The following PGAP1 variants were observed in gnomAD, a reference collection of about 807,000 sequenced individuals.
PGAP1 encodes GPI inositol-deacylase.
A neutral mutation model predicts 127.0 loss-of-function variants in PGAP1; 76 were observed. The observed-to-expected ratio is 0.60, with a 90% confidence interval of 0.50 to 0.72. The LOEUF (loss-of-function observed/expected upper bound fraction) is 0.72, where lower values mean the gene tolerates loss of function less well. Ranked by LOEUF, PGAP1 falls within the 30% of genes least tolerant of loss-of-function variation. PGAP1 has a pLI of 0.00. For missense variants in PGAP1, 982 were observed against 1,071.3 expected (o/e 0.92, Z 1.16); for synonymous variants, 362 against 366.5 (o/e 0.99, Z 0.14).
chr2:196,842,134 T>G (rs1700432078), intron 26 of PGAP1, among the ~76,000 whole-genome samples: 1 of 150,554 alleles, frequency 6.6e-6, no homozygotes, highest in African/African-American at 2.4e-5. Context: ...GAAAAGACAA[T>G]TACCTTTTTA....
intron 14 of PGAP1, 131 bp downstream of exon 14, chr2:196,875,615 A>G: frequency 1.6e-6 from 1 of 621,570 alleles, no homozygotes; most frequent in Non-Finnish European, 2.9e-6. Context: ...AAAACCACTG[A>G]ACCACATCAT....
At chr2:196,848,843 T>C (rs1700633982) in intron 20 of PGAP1, among the ~76,000 whole-genome samples, 1 of 152,330 alleles carries the variant, frequency 6.6e-6, no homozygotes, top group Middle Eastern at 3.4e-3. Context: ...TGCTGAGTTA[T>C]GCAATAACTC....
At chr2:196,924,116 C>A (rs1320874369) in intron 1 of PGAP1, among the ~76,000 whole-genome samples, 1 of 152,078 alleles carries the variant, frequency 6.6e-6, no homozygotes, top group East Asian at 1.9e-4. Flanking sequence ...ATTTTAAATT[C>A]AAAACTTCAT....
At chr2:196,846,132 T>C in intron 22 of PGAP1, 115 bp from the exon 23 acceptor site, 1 of 526,856 alleles carries the variant, frequency 1.9e-6, no homozygotes, top group Non-Finnish European at 3.0e-6. Context: ...TGCAAATACA[T>C]AAGGTAAACA....
chr2:196,913,533 G>T (rs1702905241), intron 3 of PGAP1, among the ~76,000 whole-genome samples: 1 of 152,128 alleles, frequency 6.6e-6, no homozygotes, highest in African/African-American at 2.4e-5. Context: ...GTGCATTTTG[G>T]TTTAAAAACG....
At position 196,922,672 on chromosome 2, in the gene PGAP1, CTTT is replaced by C. The variant is rs763237138; in HGVS notation, c.148-2525_148-2523del. Reference sequence around the variant, plus strand: ...ATCTGGCTCTAATTATTCTTACCTACTTTTTTTTTTTTTTTTTTTTTTTTTGAG... The same window carrying C: ...ATCTGGCTCTAATTATTCTTACCTACTTTTTTTTTTTTTTTTTTTTTTGAG... On this transcript the variant is annotated intron_variant, in intron 1 of 26. Transcript: ENST00000354764. 772 of 115,214 alleles carry C rather than the reference CTTT, an allele frequency of 6.7e-3. 4 individuals are homozygous for C. The highest frequency in any genetic ancestry group is 0.025 in the African/African-American group (650 of 26,260). The allele number at this position is 115,214 out of a possible 1,614,324, so 7.1% of individuals were successfully genotyped here.
intron 12 of PGAP1, among the ~76,000 whole-genome samples, chr2:196,884,085 T>A (rs986505691): frequency 4.6e-5 from 7 of 152,182 alleles, no homozygotes; most frequent in Non-Finnish European, 8.8e-5. Flanking sequence ...TATAAAAATT[T>A]TATGATTTAA....
intron 20 of PGAP1, among the ~76,000 whole-genome samples, chr2:196,864,402 A>AAAAAAAAAAAAAAAAAAAAT (rs1701169764): frequency 6.6e-6 from 1 of 151,226 alleles, no homozygotes. Context: ...AAAAAAAAAA[A>AAAAAAAAAAAAAAAAAAAAT]AAAAAAAAAA....
chr2:196,900,109 ATTTGTAGGCCT>A (rs1355170735), intron 5 of PGAP1, among the ~76,000 whole-genome samples: 1 of 152,180 alleles, frequency 6.6e-6, no homozygotes, highest in Non-Finnish European at 1.5e-5. Context: ...GATGTGTGCC[ATTTGTAGGCCT>A]GACATTTGCC....
At chr2:196,889,404 T>C (rs1411158018) in intron 10 of PGAP1, among the ~76,000 whole-genome samples, 3 of 151,762 alleles carry the variant, frequency 2.0e-5, no homozygotes, top group African/African-American at 7.3e-5. Flanking sequence ...TATAATCAAA[T>C]GTCAGCATCT....
chr2:196,914,360 C>T (rs1702931741), intron 3 of PGAP1, among the ~76,000 whole-genome samples: 1 of 152,178 alleles, frequency 6.6e-6, no homozygotes, highest in Non-Finnish European at 1.5e-5. Context: ...GTGGCTCACA[C>T]CTGTAATCCC....
At chr2:196,918,676 CTCTT>C (rs1703090172) in intron 2 of PGAP1, among the ~76,000 whole-genome samples, 1 of 152,142 alleles carries the variant, frequency 6.6e-6, no homozygotes, top group Admixed American at 6.5e-5. Flanking sequence ...GGAAATTACT[CTCTT>C]AACATTAGGA....
chr2:196,893,928 T>C (rs754341087), intron 7 of PGAP1, among the ~76,000 whole-genome samples: 2 of 152,166 alleles, frequency 1.3e-5, no homozygotes, highest in African/African-American at 2.4e-5. Context: ...GACAGGTAAA[T>C]GACTTTCTCA....
chr2:196,925,843 C>T (rs1703342770), intron 1 of PGAP1, among the ~76,000 whole-genome samples: 1 of 152,118 alleles, frequency 6.6e-6, no homozygotes, highest in Non-Finnish European at 1.5e-5. Context: ...GGATCTGCAA[C>T]ATCTTTCCAA....
intron 4 of PGAP1, among the ~76,000 whole-genome samples, chr2:196,911,813 T>G (rs926317277): frequency 6.6e-6 from 1 of 152,196 alleles, no homozygotes; most frequent in African/African-American, 2.4e-5. Flanking sequence ...TCTGTGACGT[T>G]ATCACTATTT....
At position 196,870,975 on chromosome 2, in the gene PGAP1, G is replaced by A; in HGVS notation, c.1733C>T (p.Thr578Ile). 6.2e-7 allele frequency: 1 copy of A among 1,603,294 alleles called. No individual in the cohort carries two copies. The highest frequency in any genetic ancestry group is 8.5e-7 in the Non-Finnish European group (1 of 1,171,580). The change falls in exon 19 of 27, where the codon ACA (threonine) becomes ATA (isoleucine). Residue 578 changes from threonine to isoleucine, a missense_variant. Transcript: ENST00000354764. ...TATTTGTGAAAAGGAAGTCTTAACT[G>A]TCACCTAGTTTAAAACAATTATTGA... The part of the protein sequence containing the change: ...YTSSDCRYEV[T>I]VKTSFSQILG...
At chr2:196,864,868 A>G (rs1701186369) in intron 20 of PGAP1, 119 bp downstream of exon 20, 1 of 459,108 alleles carries the variant, frequency 2.2e-6, no homozygotes, top group African/African-American at 2.0e-5. Context: ...GAACTCTCTT[A>G]ATTATGTCTC....
chr2:196,839,720 C>A lies in PGAP1; in HGVS notation c.*1514G>T, dbSNP rs1269856038. ...AGAAGAGAAGTTAGGTAACTCTCTA[C>A]AGGCAGTAAGCAGAAGTAACTGTCC... On this transcript the variant is annotated 3_prime_UTR_variant, in exon 27 of 27. Transcript: ENST00000354764. The A allele has an allele frequency of 6.6e-6, 1 of 152,208 alleles. No individual in the cohort carries two copies. The highest frequency in any genetic ancestry group is 1.5e-5 in the Non-Finnish European group (1 of 68,062). 9.4% of individuals were successfully genotyped at this position (152,208 alleles called of 1,614,324 possible).
intron 8 of PGAP1, 38 bp from the exon 9 acceptor site, chr2:196,892,439 G>C: frequency 1.1e-6 from 1 of 874,070 alleles, no homozygotes; most frequent in Non-Finnish European, 1.8e-6. Flanking sequence ...GCCTTGTTTT[G>C]TTTTTATACT....
Sources: gnomAD v4.1 joint callset for allele counts (sites outside exome capture counted in the v4.1 genomes callset) on GRCh38, gnomAD v4.1.1 for gene constraint, MANE v1.5 for transcripts, NCBI Gene and HGNC (gene_info 2026-07-23, HGNC 2026-07-21) for gene names.